The following ADGRL3 variants were observed in gnomAD, a reference collection of about 807,000 sequenced individuals.
ADGRL3 encodes the protein calcium-independent alpha-latrotoxin receptor 3.
A neutral mutation model predicts 153.5 loss-of-function variants in ADGRL3; 62 were observed. That is an observed-to-expected ratio of 0.40 (90% confidence interval 0.33 to 0.50). The LOEUF is 0.50. Ranked by LOEUF, ADGRL3 falls within the 20% of genes least tolerant of loss-of-function variation. ADGRL3 has a pLI of 0.47. For missense variants in ADGRL3, 1,641 were observed against 1,859.4 expected (o/e 0.88, Z 2.16); for synonymous variants, 710 against 672.5 (o/e 1.06, Z -0.86).
intron 25 of ADGRL3, among the ~76,000 whole-genome samples, chr4:62,060,564 A>G (rs1008045379): frequency 4.0e-5 from 6 of 151,894 alleles, no homozygotes; most frequent in Non-Finnish European, 4.4e-5. Context: ...AACTAATTTT[A>G]CTTTTTTACT....
At chr4:61,548,223 G>A (rs112964158) in intron 4 of ADGRL3, among the ~76,000 whole-genome samples, 12 of 152,060 alleles carry the variant, frequency 7.9e-5, no homozygotes, top group African/African-American at 2.9e-4. Context: ...TTCTCCATTT[G>A]TAGGTTGTTG....
intron 5 of ADGRL3, among the ~76,000 whole-genome samples, chr4:61,609,859 A>G (rs1040749313): frequency 1.3e-5 from 2 of 152,110 alleles, no homozygotes; most frequent in East Asian, 1.9e-4. Flanking sequence ...GGCATAAATT[A>G]TGGATGATTA....
intron 11 of ADGRL3, among the ~76,000 whole-genome samples, chr4:61,897,797 C>A (rs1349142063): frequency 6.6e-6 from 1 of 151,918 alleles, no homozygotes; most frequent in Non-Finnish European, 1.5e-5. Flanking sequence ...TGTGTAGTAC[C>A]AGAGTCCACA....
intron 9 of ADGRL3, among the ~76,000 whole-genome samples, chr4:61,857,292 G>A (rs2098285868): frequency 6.6e-6 from 1 of 151,898 alleles, no homozygotes. Context: ...GTTCTATAAG[G>A]GAAAGCCTAG....
At chr4:61,948,079 T>C in intron 16 of ADGRL3, 21 bp from the exon 17 acceptor site, 1 of 1,590,660 alleles carries the variant, frequency 6.3e-7, no homozygotes, top group Non-Finnish European at 8.6e-7. Flanking sequence ...GTTGATTTTA[T>C]GGATTTTTTT....
In ADGRL3 at chr4:61,404,320, C is replaced by T. The variant is rs1350137182; in HGVS notation, c.-174+21131C>T. On this transcript the variant is annotated intron_variant, in intron 2 of 26. Coordinates refer to ENST00000683033, the MANE Select transcript of ADGRL3 (RefSeq NM_001387552.1). ...CCTAGCCCAATGGGTTCAGAGCAGA[C>T]CTCCCTGAGGACTAGAAAGGAGTGT... 2.6e-4 allele frequency among the ~76,000 whole-genome samples: 40 copies of T among 151,980 alleles called. 2 individuals are homozygous for T. Among genetic ancestry groups the T allele is most frequent in the Non-Finnish European group, 7.4e-5 (5 of 67,994 alleles).
chr4:61,346,932 G>A (rs983068175), intron 1 of ADGRL3, among the ~76,000 whole-genome samples: 4 of 152,050 alleles, frequency 2.6e-5, no homozygotes, highest in Non-Finnish European at 5.9e-5. Context: ...AACTGTGACT[G>A]TGAGGTTCCA....
At chr4:61,895,672 C>G in intron 10 of ADGRL3, 59 bp from the exon 11 acceptor site, 1 of 835,618 alleles carries the variant, frequency 1.2e-6, no homozygotes, top group Non-Finnish European at 1.9e-6. Context: ...TTAAAATATA[C>G]CATGGATGTG....
Position 61,895,823 on chromosome 4 carries a change from A to G in ADGRL3, c.1876A>G (p.Ile626Val), listed in dbSNP as rs746371361. 66 of 1,578,136 alleles carry G rather than the reference A, an allele frequency of 4.2e-5. No homozygotes were observed. Among genetic ancestry groups the G allele is most frequent in the Non-Finnish European group, 5.3e-5 (61 of 1,158,522 alleles). Residue 626 changes from isoleucine to valine, a missense_variant, in exon 11 of 27, where the codon ATA becomes GTA. Ile to Val is a conservative substitution (Grantham distance 29). Around this residue, in one of 5 missense-constraint regions of ADGRL3, gnomAD observed 734 missense variants for 797.0 expected, o/e 0.92. Transcript: ENST00000683033. Reference sequence around the variant, plus strand: ...CTGTTCTTCTCCTTGGGTCAATCATATAACACAGAAGGTAAATCTTGTGAC... The same window carrying G: ...CTGTTCTTCTCCTTGGGTCAATCATGTAACACAGAAGGTAAATCTTGTGAC... ...SNCSSPWVNHITQKLKSGETA... is the reference protein window; with the variant it reads ...SNCSSPWVNHVTQKLKSGETA...
chr4:61,359,536 C>T (rs1293885864), intron 1 of ADGRL3, among the ~76,000 whole-genome samples: 6 of 152,148 alleles, frequency 3.9e-5, no homozygotes, highest in Admixed American at 3.9e-4. Context: ...GCACTTGTTT[C>T]CTCTGCCAGA....
At chr4:61,410,109 T>C (rs983594212) in intron 2 of ADGRL3, among the ~76,000 whole-genome samples, 42 of 152,028 alleles carry the variant, frequency 2.8e-4, no homozygotes, top group African/African-American at 5.8e-4. Context: ...AGTTTTTTTT[T>C]CTAGTAATTC....
chr4:61,584,932 A>G (rs1428343593), intron 4 of ADGRL3, among the ~76,000 whole-genome samples: 1 of 152,036 alleles, frequency 6.6e-6, no homozygotes, highest in Non-Finnish European at 1.5e-5. Context: ...TTAAATAAGC[A>G]TCCAATTTCT....
At chr4:61,935,202 A>G (rs2098833075) in intron 14 of ADGRL3, among the ~76,000 whole-genome samples, 179 bp downstream of exon 14, 1 of 152,222 alleles carries the variant, frequency 6.6e-6, no homozygotes. Flanking sequence ...ATACAAGATC[A>G]TGTGTGCTAT....
At chr4:61,515,562 T>G (rs1442639983) in intron 3 of ADGRL3, among the ~76,000 whole-genome samples, 1 of 152,114 alleles carries the variant, frequency 6.6e-6, no homozygotes, top group African/African-American at 2.4e-5. Flanking sequence ...GGTCCCAACA[T>G]GTAATGGGAA....
Position 61,558,173 on chromosome 4 carries a change from CATATATAT to C in ADGRL3, c.260-29039_260-29032del, listed in dbSNP as rs33947698. Among the ~76,000 whole-genome samples the C allele has an allele frequency of 9.9e-4, 128 of 129,034 alleles. 1 individual carries two copies. Among genetic ancestry groups the C allele is most frequent in the African/African-American group, 3.6e-3 (120 of 33,056 alleles). 84.7% of individuals were successfully genotyped at this position (129,034 alleles called of 152,430 possible). ...TATATATATACACATATGTAGGAATCATATATATATATATATATATATGATTTACACTG... is the reference window on the plus strand; with the variant it reads ...TATATATATACACATATGTAGGAATCATATATATATATATGATTTACACTG... On this transcript the variant is annotated intron_variant, in intron 4 of 26. Coordinates refer to ENST00000683033, the MANE Select transcript of ADGRL3 (RefSeq NM_001387552.1).
intron 1 of ADGRL3, among the ~76,000 whole-genome samples, chr4:61,291,613 T>TA (rs2094214746): frequency 5.9e-5 from 1 of 17,078 alleles, no homozygotes; most frequent in African/African-American, 1.2e-4. Context: ...TACACACACA[T>TA]ATATATATAT....
intron 2 of ADGRL3, among the ~76,000 whole-genome samples, chr4:61,477,914 C>T (rs376843542): frequency 1.3e-5 from 2 of 151,894 alleles, no homozygotes; most frequent in African/African-American, 4.8e-5. Flanking sequence ...TTACATTTCT[C>T]ATCTTCAAAA....
chr4:61,232,936 A>G (rs1455824121), intron 1 of ADGRL3, among the ~76,000 whole-genome samples: 2 of 152,158 alleles, frequency 1.3e-5, no homozygotes, highest in Admixed American at 6.5e-5. Context: ...AATCAGACTC[A>G]TAGTTTTCTT....
chr4:61,828,049 T>TA (rs1408085365), intron 9 of ADGRL3, among the ~76,000 whole-genome samples: 1 of 152,234 alleles, frequency 6.6e-6, no homozygotes, highest in Non-Finnish European at 1.5e-5. Context: ...CTGAGTCTGA[T>TA]AAAGATCTTT....
Sources: allele counts gnomAD v4.1 joint callset (sites outside exome capture counted in the v4.1 genomes callset), GRCh38; gene constraint gnomAD v4.1.1; regional missense constraint gnomAD v4.1.1; transcripts MANE v1.5; gene names NCBI Gene and HGNC (gene_info 2026-07-23, HGNC 2026-07-21).